Variants in HUWE1 observed in about 807,000 individuals in gnomAD.
HUWE1 encodes E3 ubiquitin-protein ligase HUWE1.
A neutral mutation model predicts 299.4 loss-of-function variants in HUWE1; 18 were observed. The observed-to-expected ratio is 0.06, with a 90% CI of 0.04 to 0.09. The LOEUF (loss-of-function observed/expected upper bound fraction) is 0.09, where lower values mean the gene tolerates loss of function less well. HUWE1 is among the 10% of genes least tolerant of loss of function. The probability of loss-of-function intolerance (pLI) is 1.00; values close to 1 mark genes in which losing one functional copy is unlikely to be tolerated. For missense variants in HUWE1, 1,832 were observed against 3,462.3 expected (o/e 0.53, Z 11.82); for synonymous variants, 1,317 against 1,286.1 (o/e 1.02, Z -0.51).
At chrX:53,558,024 CCT>C (rs1556936781) in intron 59 of HUWE1, among the ~76,000 whole-genome samples, 1 of 111,722 alleles carries the variant, frequency 9.0e-6, no homozygotes, top group Non-Finnish European at 1.9e-5. Flanking sequence ...AGTTTTTCCC[CCT>C]TTTATATCAA....
chrX:53,533,831 T>C (rs1170931420), intron 83 of HUWE1, 176 bp downstream of exon 83: 2 of 503,961 alleles, frequency 4.0e-6, no homozygotes, highest in Non-Finnish European at 3.6e-6. Context: ...CAGCCCCCAC[T>C]GTGTCTAGCA....
rs782404123 is a variant in HUWE1, at chrX:53,538,713, C to A, written c.11878+122G>T. 1,196 of 655,374 alleles carry A rather than the reference C, an allele frequency of 1.8e-3. 10 individuals carry two copies. In the African/African-American group the frequency reaches 0.027, roughly 15 times the overall value. 54.0% of individuals were successfully genotyped at this position (655,374 alleles called of 1,213,427 possible). A position where few individuals can be genotyped will look rare whatever the true frequency, so the allele number is the denominator to read the frequency against. ...GTGTGTATGTACACACACACACACA[C>A]ACACACACACACTCTCTCTCTCTCT... On this transcript the variant is annotated intron_variant, in intron 76 of 83. Transcript: ENST00000262854.
Position 53,664,711 on chromosome X carries a change from C to T in HUWE1, c.-24-10580G>A, listed in dbSNP as rs2069165536. Among the ~76,000 whole-genome samples, 3 of 111,803 alleles carry T rather than the reference C, an allele frequency of 2.7e-5. No homozygotes were observed. The Admixed American group carries it at 2.8e-4, about 11-fold the overall frequency. On this transcript the variant is annotated intron_variant, in intron 3 of 83. Coordinates refer to ENST00000262854, the MANE Select transcript of HUWE1 (RefSeq NM_031407.7). ...TTTGCCTTGCAACGATTTCCTTTTG[C>T]CTTATAGTCTCTGAAAGTAAATTCA...
At chrX:53,535,305 C>T in intron 81 of HUWE1, 79 bp downstream of exon 81, 1 of 657,210 alleles carries the variant, frequency 1.5e-6, no homozygotes, top group Non-Finnish European at 2.5e-6. Context: ...CAGAGGAAAA[C>T]AAAACATGCC....
At chrX:53,649,272 T>A (rs989352241) in intron 4 of HUWE1, among the ~76,000 whole-genome samples, 1 of 111,979 alleles carries the variant, frequency 8.9e-6, no homozygotes, top group African/African-American at 3.2e-5. Flanking sequence ...ATACATAAAA[T>A]ACTTATCTCC....
At chrX:53,618,169 A>G (rs190187147) in intron 19 of HUWE1, among the ~76,000 whole-genome samples, 1 of 112,464 alleles carries the variant, frequency 8.9e-6, no homozygotes, top group East Asian at 2.8e-4. Context: ...AACAGAAAAA[A>G]GAATTCAGTG....
chrX:53,581,031 TAA>T lies in HUWE1; in HGVS notation c.5521-7_5521-6del. ...TGTAGCTGCTGAGCGAACAACCTAG[TAA>T]AGAGAGAAAGAAACACTGTCGATTA... On this transcript the variant is annotated splice_polypyrimidine_tract_variant and splice_region_variant and intron_variant, in intron 42 of 83. Transcript: ENST00000262854. 1 of 1,190,206 alleles carries T rather than the reference TAA, an allele frequency of 8.4e-7. No homozygotes were observed. Among genetic ancestry groups the T allele is most frequent in the Non-Finnish European group, 1.1e-6 (1 of 880,718 alleles).
intron 25 of HUWE1, among the ~76,000 whole-genome samples, chrX:53,605,448 G>A (rs2065096202): frequency 8.9e-6 from 1 of 111,787 alleles, no homozygotes; most frequent in African/African-American, 3.3e-5. Flanking sequence ...CCCTCTCTGT[G>A]ATGAAGAGCA....
chrX:53,579,500 T>C (rs1205468096), intron 43 of HUWE1, among the ~76,000 whole-genome samples: 6 of 111,347 alleles, frequency 5.4e-5, no homozygotes, highest in African/African-American at 2.0e-4. Flanking sequence ...TTTTGTGGAA[T>C]AGAAAGGCGG....
chrX:53,626,793 A>C (rs1479194352), intron 17 of HUWE1, among the ~76,000 whole-genome samples: 1 of 111,443 alleles, frequency 9.0e-6, no homozygotes, highest in African/African-American at 3.3e-5. Context: ...CAGCCTCCCA[A>C]GTAGCCGGGA....
intron 3 of HUWE1, among the ~76,000 whole-genome samples, chrX:53,677,881 G>T (rs185970890): frequency 4.1e-4 from 46 of 111,692 alleles, no homozygotes; most frequent in African/African-American, 1.4e-3. Context: ...TGGTTATAGT[G>T]AAAGGTCATT....
chrX:53,536,341 A>G (rs782133761), intron 79 of HUWE1, 39 bp downstream of exon 79: 7 of 1,191,580 alleles, frequency 5.9e-6, no homozygotes, highest in Non-Finnish European at 8.0e-6. Flanking sequence ...CCAGACCCCC[A>G]GGACTGAAGA....
chrX:53,546,886 T>C, intron 68 of HUWE1, 61 bp from the exon 69 acceptor site: 1 of 1,162,258 alleles, frequency 8.6e-7, no homozygotes, highest in Non-Finnish European at 1.2e-6. Context: ...AGGGACTAAG[T>C]GACAAAATCA....
chrX:53,562,698 G>GT, intron 53 of HUWE1, 133 bp downstream of exon 53: 1 of 536,490 alleles, frequency 1.9e-6, no homozygotes. Context: ...AGTGGATGGT[G>GT]TATGTCAGCG....
rs188763886 is a variant in HUWE1 at position 53,668,343 on chromosome X, G to A, written c.-25+11706C>T. Among the ~76,000 whole-genome samples the A allele has an allele frequency of 1.0e-4, 11 of 108,242 alleles. No homozygotes were observed. The East Asian group carries it at 2.3e-3, about 23-fold the overall frequency. 94.0% of individuals were successfully genotyped at this position (108,242 alleles called of 115,157 possible). A position where few individuals can be genotyped will look rare whatever the true frequency, so the allele number is the denominator to read the frequency against. ...TGTAGTCCCAGCTACTCGGGAGGCC[G>A]AGGCAGAAGAATCGCTTGAACTCGG... On this transcript the variant is annotated intron_variant, in intron 3 of 83. Coordinates refer to ENST00000262854, the MANE Select transcript of HUWE1 (RefSeq NM_031407.7).
intron 43 of HUWE1, 137 bp downstream of exon 43, chrX:53,580,694 A>T (rs782302570): frequency 1.7e-5 from 10 of 593,726 alleles, no homozygotes; most frequent in South Asian, 8.2e-5. Flanking sequence ...ATTGACCCAA[A>T]CAATCAATTA....
At chrX:53,606,067 A>G (rs2065136036) in intron 25 of HUWE1, among the ~76,000 whole-genome samples, 1 of 112,178 alleles carries the variant, frequency 8.9e-6, no homozygotes, top group South Asian at 3.7e-4. Flanking sequence ...ACGACACCAA[A>G]AACACAGGTG....
At chrX:53,626,325 G>T (rs999398467) in intron 17 of HUWE1, among the ~76,000 whole-genome samples, 10 of 109,245 alleles carry the variant, frequency 9.2e-5, no homozygotes, top group Middle Eastern at 4.7e-3. Flanking sequence ...GGGGAGAGTG[G>T]TAAGTAAAAT....
chrX:53,619,490 C>T (rs1202158106), intron 19 of HUWE1, among the ~76,000 whole-genome samples: 10 of 106,360 alleles, frequency 9.4e-5, no homozygotes, highest in Non-Finnish European at 1.7e-4. Flanking sequence ...TATATACACG[C>T]ACAGAGCAAC....
Sources: allele counts gnomAD v4.1 joint callset (sites outside exome capture counted in the v4.1 genomes callset), GRCh38; gene constraint gnomAD v4.1.1; transcripts MANE v1.5; gene names NCBI Gene and HGNC (gene_info 2026-07-23, HGNC 2026-07-21).